The following ACTR3C variants were observed in gnomAD, a reference collection of about 807,000 sequenced individuals.
ACTR3C encodes actin-related protein 3C.
Under a neutral mutation model 26.3 loss-of-function variants are expected in ACTR3C, and 18 were observed. The ratio of observed to expected loss-of-function variants is 0.68; its 90% CI spans 0.47 to 1.01. ACTR3C has a LOEUF of 1.01. Among genes scored for constraint, ACTR3C ranks in the 50% least tolerant of loss-of-function variants. ACTR3C has a pLI of 0.00. For synonymous variants in ACTR3C, 55 were observed against 94.5 expected, an observed-to-expected ratio of 0.58 and a Z score of 2.42; for missense variants, 184 against 250.7, an observed-to-expected ratio of 0.73 and a Z score of 1.80.
chr7:150,134,709 C>A, the ACTR3C span, among the ~76,000 whole-genome samples: 1 of 152,300 alleles, frequency 6.6e-6, no homozygotes, highest in Non-Finnish European at 1.5e-5. Flanking sequence ...CCTTCATCTT[C>A]CACATCCCAT....
the ACTR3C span, among the ~76,000 whole-genome samples, chr7:150,077,415 C>T: frequency 1.3e-5 from 2 of 152,256 alleles, no homozygotes; most frequent in Middle Eastern, 3.4e-3. Context: ...CATGTGACCT[C>T]TGTGGTTAAA....
the ACTR3C span, among the ~76,000 whole-genome samples, chr7:150,220,859 G>A: frequency 6.6e-6 from 1 of 152,306 alleles, no homozygotes; most frequent in African/African-American, 2.4e-5. Flanking sequence ...TCAGGCTGGA[G>A]CGGTCATCAG....
the ACTR3C span, among the ~76,000 whole-genome samples, chr7:149,999,145 A>G: frequency 6.6e-6 from 1 of 150,798 alleles, no homozygotes; most frequent in Non-Finnish European, 1.5e-5. Context: ...CCCTGTGGGT[A>G]ACAAATGTGC....
the ACTR3C span, among the ~76,000 whole-genome samples, chr7:149,921,299 T>C: frequency 2.6e-5 from 4 of 152,110 alleles, no homozygotes; most frequent in African/African-American, 9.7e-5. Flanking sequence ...CCATCTTCTT[T>C]CTAATCACCA....
chr7:150,037,701 A>G, the ACTR3C span, among the ~76,000 whole-genome samples: 1 of 100,960 alleles, frequency 9.9e-6, no homozygotes, highest in Non-Finnish European at 2.1e-5. Context: ...CTTAGGATCA[A>G]TGATGGGGGG....
the ACTR3C span, among the ~76,000 whole-genome samples, chr7:150,158,910 CACACACGT>C: frequency 2.0e-5 from 3 of 149,810 alleles, no homozygotes; most frequent in African/African-American, 7.5e-5. Context: ...CACGTGCGCA[CACACACGT>C]GCACACACAT....
At chr7:149,971,651 G>A in the ACTR3C span, among the ~76,000 whole-genome samples, 12 of 152,300 alleles carry the variant, frequency 7.9e-5, no homozygotes, top group East Asian at 1.9e-4. Flanking sequence ...GAGTTTTCAC[G>A]TCTTAGTTTG....
intron 6 of ACTR3C, among the ~76,000 whole-genome samples, chr7:150,270,612 ACC>A (rs200650524): frequency 0.029 from 4,428 of 151,078 alleles, 86 homozygotes; most frequent in Non-Finnish European, 0.045. Flanking sequence ...CATGGGCGCC[ACC>A]CCCCCGCCCT....
chr7:150,317,664 C>G (rs774897776), intron 1 of ACTR3C, among the ~76,000 whole-genome samples: 1 of 152,072 alleles, frequency 6.6e-6, no homozygotes, highest in Non-Finnish European at 1.5e-5. Flanking sequence ...AACAGGAATA[C>G]ATTTCATGTT....
the ACTR3C span, among the ~76,000 whole-genome samples, chr7:150,175,495 A>G: frequency 6.7e-6 from 1 of 149,562 alleles, no homozygotes; most frequent in African/African-American, 2.6e-5. Context: ...TCTTATAAGA[A>G]CCAAATTATT....
At chr7:150,290,285 T>C (rs895059242) in intron 3 of ACTR3C, among the ~76,000 whole-genome samples, 4 of 152,240 alleles carry the variant, frequency 2.6e-5, no homozygotes, top group African/African-American at 9.6e-5. Context: ...GACCACGACC[T>C]GGGCCGATCA....
the ACTR3C span, among the ~76,000 whole-genome samples, chr7:150,143,831 T>C: frequency 2.0e-5 from 3 of 152,132 alleles, no homozygotes; most frequent in African/African-American, 7.2e-5. Flanking sequence ...CTGACTCCCA[T>C]TGGCTGAACT....
At chr7:150,220,751 C>T in the ACTR3C span, among the ~76,000 whole-genome samples, 1 of 152,298 alleles carries the variant, frequency 6.6e-6, no homozygotes. Context: ...GCACTCACGC[C>T]CTCCCGCCAC....
At chr7:150,211,846 C>A in the ACTR3C span, among the ~76,000 whole-genome samples, 1 of 149,894 alleles carries the variant, frequency 6.7e-6, no homozygotes, top group East Asian at 1.9e-4. Context: ...GAAGCTTCCA[C>A]GAGGCCCCAG....
the ACTR3C span, among the ~76,000 whole-genome samples, chr7:150,198,287 G>A: frequency 2.0e-5 from 3 of 148,956 alleles, no homozygotes; most frequent in South Asian, 2.1e-4. Context: ...AGTGAGGAGT[G>A]TCTCTGCCTG....
the ACTR3C span, among the ~76,000 whole-genome samples, chr7:149,945,538 G>A: frequency 6.6e-6 from 1 of 152,166 alleles, no homozygotes; most frequent in Non-Finnish European, 1.5e-5. Flanking sequence ...GAGGCTCTGG[G>A]GACAGGGTGA....
At chr7:149,905,652 A>C in the ACTR3C span, among the ~76,000 whole-genome samples, 2 of 150,892 alleles carry the variant, frequency 1.3e-5, no homozygotes, top group African/African-American at 4.9e-5. Flanking sequence ...TTAAAAATGC[A>C]ATAGAAAAAT....
chr7:150,234,300 C>A, the ACTR3C span, among the ~76,000 whole-genome samples: 1 of 152,112 alleles, frequency 6.6e-6, no homozygotes, highest in African/African-American at 2.4e-5. Context: ...GATATTGGTG[C>A]CCAGAGTGTG....
chr7:149,914,304 A>T, the ACTR3C span, among the ~76,000 whole-genome samples: 1 of 152,070 alleles, frequency 6.6e-6, no homozygotes, highest in African/African-American at 2.4e-5. Context: ...AGAAGTAGTG[A>T]AAAAAGGCCA....
Sources: gnomAD v4.1 joint callset for allele counts (sites outside exome capture counted in the v4.1 genomes callset) on GRCh38, gnomAD v4.1.1 for gene constraint, MANE v1.5 for transcripts, NCBI Gene and HGNC (gene_info 2026-07-23, HGNC 2026-07-21) for gene names.